Variants in S100Z observed in about 807,000 individuals in gnomAD.
S100Z encodes protein S100-Z.
S100Z carries 11 observed loss-of-function variants against 8.5 expected under a neutral mutation model. The ratio of observed to expected loss-of-function variants is 1.30; its 90% CI spans 0.82 to 2.15. The LOEUF (loss-of-function observed/expected upper bound fraction) is 2.15, where lower values mean the gene tolerates loss of function less well. Among genes scored for constraint, S100Z ranks in the 30% most tolerant of loss-of-function variants. The pLI, the probability that S100Z is intolerant of heterozygous loss-of-function variation, is 0.00. For missense variants in S100Z, 126 were observed against 117.9 expected (o/e 1.07, Z -0.32); for synonymous variants, 34 against 43.8 (o/e 0.78, Z 0.89).
intron 4 of S100Z, among the ~76,000 whole-genome samples, chr5:76,915,189 C>T (rs1744813678): frequency 6.6e-6 from 1 of 151,480 alleles, no homozygotes; most frequent in Admixed American, 6.6e-5. Flanking sequence ...ACCTGTAGTC[C>T]CAGCTACTCG....
the S100Z span, among the ~76,000 whole-genome samples, chr5:76,943,355 G>A: frequency 3.3e-5 from 5 of 152,210 alleles, no homozygotes; most frequent in African/African-American, 1.2e-4. Flanking sequence ...GCATGAGAGA[G>A]AGAAAACTCC....
intron 1 of S100Z, among the ~76,000 whole-genome samples, chr5:76,861,400 C>T (rs4481337): frequency 0.13 from 18,925 of 151,394 alleles, 2,582 homozygotes; most frequent in African/African-American, 0.34. Flanking sequence ...AGTGAGGTGG[C>T]GTGAACTCAG....
the S100Z span, among the ~76,000 whole-genome samples, chr5:76,928,115 C>T: frequency 4.6e-5 from 7 of 152,150 alleles, no homozygotes; most frequent in African/African-American, 1.2e-4. Context: ...TAGGAGCACC[C>T]GAGTCAGTAC....
chr5:76,890,967 T>G (rs941880080), intron 4 of S100Z, among the ~76,000 whole-genome samples: 5 of 152,214 alleles, frequency 3.3e-5, no homozygotes, highest in Non-Finnish European at 7.4e-5. Context: ...GTTCAAGCAA[T>G]TCTCCTGCTT....
chr5:76,930,626 T>C, the S100Z span, among the ~76,000 whole-genome samples: 1 of 152,190 alleles, frequency 6.6e-6, no homozygotes, highest in East Asian at 1.9e-4. Flanking sequence ...ATGCAATCAC[T>C]CGACTCTGAA....
intron 4 of S100Z, among the ~76,000 whole-genome samples, chr5:76,911,293 C>T (rs1289517288): frequency 2.0e-5 from 3 of 152,196 alleles, no homozygotes; most frequent in Non-Finnish European, 4.4e-5. Context: ...AAAAACCGAA[C>T]GGTCAGTGGA....
intron 4 of S100Z, among the ~76,000 whole-genome samples, chr5:76,913,637 C>T (rs1744746649): frequency 2.0e-5 from 3 of 152,224 alleles, no homozygotes; most frequent in South Asian, 4.1e-4. Context: ...ACCACACACT[C>T]TCAAAGGATT....
At chr5:76,893,403 TGTG>T (rs1457891095) in intron 4 of S100Z, among the ~76,000 whole-genome samples, 6 of 152,052 alleles carry the variant, frequency 3.9e-5, no homozygotes, top group African/African-American at 1.4e-4. Flanking sequence ...AATTAGCTGG[TGTG>T]GTGGCACATG....
At chr5:76,916,332 C>A (rs1744854075) in intron 4 of S100Z, among the ~76,000 whole-genome samples, 1 of 151,936 alleles carries the variant, frequency 6.6e-6, no homozygotes, top group Admixed American at 6.6e-5. Flanking sequence ...GACAAATCCA[C>A]AATTACAATT....
chr5:76,924,105 A>G (rs1745093038), downstream of S100Z, among the ~76,000 whole-genome samples: 1 of 152,216 alleles, frequency 6.6e-6, no homozygotes, highest in Non-Finnish European at 1.5e-5. Flanking sequence ...ATGATAATTA[A>G]ACACCACACT....
At chr5:76,875,023 G>A (rs1212793236) in intron 2 of S100Z, among the ~76,000 whole-genome samples, 1 of 152,010 alleles carries the variant, frequency 6.6e-6, no homozygotes, top group Non-Finnish European at 1.5e-5. Context: ...TAGCTAGCTG[G>A]GACTACAGGC....
At chr5:76,911,610 C>T (rs1455017876) in intron 4 of S100Z, among the ~76,000 whole-genome samples, 1 of 152,244 alleles carries the variant, frequency 6.6e-6, no homozygotes, top group African/African-American at 2.4e-5. Flanking sequence ...AGTCCAGGCA[C>T]TCTGGTCCTT....
chr5:76,938,216 C>T, the S100Z span, among the ~76,000 whole-genome samples: 1 of 152,240 alleles, frequency 6.6e-6, no homozygotes, highest in South Asian at 2.1e-4. Context: ...CTTGGCTTCA[C>T]TCTTTCCTCC....
chr5:76,875,520 A>G lies in S100Z; in HGVS notation c.141+20A>G, dbSNP rs759140159. ...CTCTCGGTGAGTCAGGCCTTTGTAA[A>G]TGCTGTATTCATTTGAGGGTAGATG... On this transcript the variant is annotated intron_variant, in intron 3 of 4. Transcript: ENST00000317593. 3 of 1,593,818 alleles carry G rather than the reference A, an allele frequency of 1.9e-6. No homozygotes were observed. The highest frequency in any genetic ancestry group is 3.5e-5 in the Admixed American group (2 of 56,456).
At chr5:76,926,455 C>T (rs2150693000), downstream of S100Z, among the ~76,000 whole-genome samples, 1 of 152,278 alleles carries the variant, frequency 6.6e-6, no homozygotes, top group East Asian at 1.9e-4. Context: ...AGTGTGGGAG[C>T]TGGGAGGGCT....
At chr5:76,891,524 A>G (rs1169129741) in intron 4 of S100Z, among the ~76,000 whole-genome samples, 2 of 152,176 alleles carry the variant, frequency 1.3e-5, no homozygotes, top group Non-Finnish European at 2.9e-5. Flanking sequence ...ATCACCTGGA[A>G]ATCTGACTCA....
intron 4 of S100Z, among the ~76,000 whole-genome samples, chr5:76,879,682 GAGA>G (rs1743325446): frequency 6.6e-6 from 1 of 152,186 alleles, no homozygotes; most frequent in Non-Finnish European, 1.5e-5. Context: ...AATGTGGATA[GAGA>G]AGAAGAAACG....
At chr5:76,939,020 G>T in the S100Z span, among the ~76,000 whole-genome samples, 1 of 152,000 alleles carries the variant, frequency 6.6e-6, no homozygotes, top group African/African-American at 2.4e-5. Context: ...TATTTCTTTA[G>T]GATCATATTT....
the S100Z span, among the ~76,000 whole-genome samples, chr5:76,939,572 G>A: frequency 6.8e-6 from 1 of 147,042 alleles, no homozygotes; most frequent in Non-Finnish European, 1.5e-5. Flanking sequence ...GAGTGCAATG[G>A]TGCGATCTTG....
Sources: gnomAD v4.1 joint callset for allele counts (sites outside exome capture counted in the v4.1 genomes callset) on GRCh38, gnomAD v4.1.1 for gene constraint, MANE v1.5 for transcripts, NCBI Gene and HGNC (gene_info 2026-07-23, HGNC 2026-07-21) for gene names.